The following HYCC1 variants were observed in gnomAD, a reference collection of about 807,000 sequenced individuals.
HYCC1 encodes the protein hyccin PI4KA lipid kinase complex subunit 1.
chr7:22,904,996 A>G, the HYCC1 span, among the ~76,000 whole-genome samples: 1 of 152,116 alleles, frequency 6.6e-6, no homozygotes, highest in Non-Finnish European at 1.5e-5. Context: ...CAATCGTGGT[A>G]GAAGGAGAAA....
chr7:22,975,387 TTAAC>T, the HYCC1 span, among the ~76,000 whole-genome samples: 1 of 152,220 alleles, frequency 6.6e-6, no homozygotes, highest in Non-Finnish European at 1.5e-5. Context: ...CATACTATCA[TTAAC>T]TACTCTTTTA....
the HYCC1 span, among the ~76,000 whole-genome samples, chr7:22,917,989 G>T: frequency 6.6e-6 from 1 of 151,936 alleles, no homozygotes; most frequent in African/African-American, 2.4e-5. Flanking sequence ...TGCTGGCTTT[G>T]CATTTCTCTT....
chr7:22,977,446 T>G, the HYCC1 span: 1 of 1,260,976 alleles, frequency 7.9e-7, no homozygotes, highest in Non-Finnish European at 1.2e-6. Flanking sequence ...GAAAATATAT[T>G]AAAATACATA....
At chr7:22,995,661 A>G in the HYCC1 span, among the ~76,000 whole-genome samples, 4 of 152,298 alleles carry the variant, frequency 2.6e-5, no homozygotes, top group East Asian at 5.8e-4. Context: ...ATATAAATAA[A>G]TGATTAAATA....
the HYCC1 span, among the ~76,000 whole-genome samples, chr7:22,952,217 C>G: frequency 6.6e-6 from 1 of 151,704 alleles, no homozygotes; most frequent in African/African-American, 2.4e-5. Flanking sequence ...ATTTAAATAG[C>G]AGAAAATGCA....
the HYCC1 span, among the ~76,000 whole-genome samples, chr7:23,013,642 G>C: frequency 6.6e-6 from 1 of 152,070 alleles, no homozygotes; most frequent in Non-Finnish European, 1.5e-5. Context: ...CGCGCACAAA[G>C]CTGCCGCCCT....
At chr7:22,979,202 T>C in the HYCC1 span, among the ~76,000 whole-genome samples, 10 of 152,174 alleles carry the variant, frequency 6.6e-5, no homozygotes, top group Admixed American at 5.9e-4. Flanking sequence ...AAAAACTAAT[T>C]TACAGTGGAT....
chr7:22,924,221 T>C, the HYCC1 span, among the ~76,000 whole-genome samples: 2 of 143,110 alleles, frequency 1.4e-5, no homozygotes, highest in Non-Finnish European at 1.5e-5. Flanking sequence ...GATGGCCGAA[T>C]AGGAACAGCT....
chr7:22,911,792 G>A, the HYCC1 span, among the ~76,000 whole-genome samples: 24 of 152,204 alleles, frequency 1.6e-4, no homozygotes, highest in African/African-American at 4.3e-4. Flanking sequence ...AAAAAGGTTC[G>A]ACTTCTCTGA....
At chr7:23,005,946 A>G in the HYCC1 span, among the ~76,000 whole-genome samples, 1 of 152,152 alleles carries the variant, frequency 6.6e-6, no homozygotes, top group Non-Finnish European at 1.5e-5. Context: ...TGATTTTCCA[A>G]AACAGTCTCT....
chr7:22,904,464 T>C, the HYCC1 span, among the ~76,000 whole-genome samples: 1 of 150,684 alleles, frequency 6.6e-6, no homozygotes, highest in African/African-American at 2.4e-5. Context: ...AATAATAATA[T>C]ATATATGTCT....
chr7:22,950,432 ACACT>A, the HYCC1 span, among the ~76,000 whole-genome samples: 1 of 152,030 alleles, frequency 6.6e-6, no homozygotes, highest in African/African-American at 2.4e-5. Context: ...TATATAGTAG[ACACT>A]CAATACATCT....
chr7:22,995,261 T>C, the HYCC1 span, among the ~76,000 whole-genome samples: 1 of 152,094 alleles, frequency 6.6e-6, no homozygotes, highest in Non-Finnish European at 1.5e-5. Context: ...CCCACGCCCT[T>C]GCCCTGCTCG....
At chr7:22,966,649 C>A in the HYCC1 span, among the ~76,000 whole-genome samples, 1 of 152,192 alleles carries the variant, frequency 6.6e-6, no homozygotes, top group African/African-American at 2.4e-5. Context: ...TATTTACTCA[C>A]TCTTCCCCCG....
the HYCC1 span, among the ~76,000 whole-genome samples, chr7:22,963,996 C>T: frequency 6.6e-6 from 1 of 151,586 alleles, no homozygotes; most frequent in Non-Finnish European, 1.5e-5. Context: ...TAATAGAAAG[C>T]TAATAATAAA....
the HYCC1 span, chr7:22,941,491 G>C: frequency 6.6e-6 from 1 of 152,012 alleles, no homozygotes; most frequent in South Asian, 2.1e-4. Context: ...ACTATGAAAA[G>C]ATTAGTATCA....
the HYCC1 span, among the ~76,000 whole-genome samples, chr7:22,996,595 G>GT: frequency 2.7e-5 from 1 of 36,798 alleles, no homozygotes; most frequent in Non-Finnish European, 4.8e-5. Flanking sequence ...CAGTACAATT[G>GT]TTAAAAAAAA....
At chr7:22,931,296 G>A in the HYCC1 span, among the ~76,000 whole-genome samples, 2 of 151,184 alleles carry the variant, frequency 1.3e-5, no homozygotes. Context: ...CACTACGAGT[G>A]GTGACACTTC....
the HYCC1 span, among the ~76,000 whole-genome samples, chr7:23,009,547 A>G: frequency 3.9e-5 from 6 of 152,176 alleles, 1 homozygote. Flanking sequence ...TTCTGTTTTC[A>G]GCCCCCTATG....
Sources: allele counts gnomAD v4.1 joint callset (sites outside exome capture counted in the v4.1 genomes callset), GRCh38; gene constraint gnomAD v4.1.1; transcripts MANE v1.5; gene names NCBI Gene and HGNC (gene_info 2026-07-23, HGNC 2026-07-21).